Variants in LDLRAD4 observed in about 807,000 individuals in gnomAD.
LDLRAD4 encodes the protein low-density lipoprotein receptor class A domain-containing protein 4.
A neutral mutation model predicts 17.0 loss-of-function variants in LDLRAD4; 5 were observed. That is an observed-to-expected ratio of 0.29 (90% CI 0.15 to 0.62). LDLRAD4 has a LOEUF of 0.62. Among genes scored for constraint, LDLRAD4 ranks in the 20% least tolerant of loss-of-function variants. The pLI is 0.84. For synonymous variants in LDLRAD4, 168 were observed against 171.8 expected, an observed-to-expected ratio of 0.98 and a Z score of 0.17; for missense variants, 340 against 424.7, an observed-to-expected ratio of 0.80 and a Z score of 1.75.
At chr18:13,545,924 C>G (rs1304193336) in intron 3 of LDLRAD4, among the ~76,000 whole-genome samples, 2 of 152,146 alleles carry the variant, frequency 1.3e-5, no homozygotes, top group African/African-American at 4.8e-5. Context: ...ACAGAGCTGT[C>G]CTCAATCCTA....
chr18:13,243,807 A>C (rs959724525), intron 1 of LDLRAD4, among the ~76,000 whole-genome samples: 4 of 139,760 alleles, frequency 2.9e-5, no homozygotes, highest in African/African-American at 5.5e-5. Flanking sequence ...TCATCTCCCC[A>C]GCTACCACCT....
At chr18:13,639,561 G>C (rs2042349413) in intron 4 of LDLRAD4, among the ~76,000 whole-genome samples, 1 of 152,218 alleles carries the variant, frequency 6.6e-6, no homozygotes, top group African/African-American at 2.4e-5. Flanking sequence ...ATGGTACGGG[G>C]TGGTTGGGAT....
intron 3 of LDLRAD4, among the ~76,000 whole-genome samples, chr18:13,512,090 C>T (rs1350904529): frequency 3.9e-5 from 6 of 152,166 alleles, no homozygotes; most frequent in African/African-American, 9.7e-5. Context: ...GGCAAAATAT[C>T]GTGTTTTGTT....
At chr18:13,407,838 T>TC (rs1402651766) in intron 2 of LDLRAD4, among the ~76,000 whole-genome samples, 1 of 152,206 alleles carries the variant, frequency 6.6e-6, no homozygotes, top group Non-Finnish European at 1.5e-5. Flanking sequence ...CCCACCACGT[T>TC]CCTGAGGGTA....
intron 1 of LDLRAD4, among the ~76,000 whole-genome samples, chr18:13,283,865 G>A (rs972173011): frequency 2.6e-5 from 4 of 152,186 alleles, no homozygotes; most frequent in African/African-American, 7.2e-5. Context: ...ACATGGCTGG[G>A]GAGGCCTCAG....
chr18:13,220,806 G>A lies in LDLRAD4; in HGVS notation c.-467+1818G>A, dbSNP rs533986154. Reference sequence around the variant, plus strand: ...GCAGGGGTAACCTCCCTGACTGATAGGGAAGCACAGTCAGAGGAGAGTGAC... The same window carrying A: ...GCAGGGGTAACCTCCCTGACTGATAAGGAAGCACAGTCAGAGGAGAGTGAC... On this transcript the variant is annotated intron_variant, in intron 1 of 5. Coordinates refer to the LDLRAD4 transcript ENST00000399848. Among the ~76,000 whole-genome samples, 31 of 152,310 alleles carry A rather than the reference G, an allele frequency of 2.0e-4. 2 individuals carry two copies. Among genetic ancestry groups the A allele is most frequent in the African/African-American group, 7.5e-4 (31 of 41,556 alleles).
At chr18:13,303,065 C>T (rs539982362) in intron 1 of LDLRAD4, among the ~76,000 whole-genome samples, 3 of 152,300 alleles carry the variant, frequency 2.0e-5, no homozygotes, top group African/African-American at 7.2e-5. Context: ...TCTCCAGTGG[C>T]CTGGGGCTGT....
intron 1 of LDLRAD4, among the ~76,000 whole-genome samples, chr18:13,222,234 C>A (rs923543963): frequency 2.6e-5 from 4 of 152,198 alleles, no homozygotes; most frequent in African/African-American, 9.6e-5. Context: ...GGAAAAATGT[C>A]GAGCTGTTCA....
intron 2 of LDLRAD4, among the ~76,000 whole-genome samples, chr18:13,415,532 C>G (rs1377726935): frequency 6.6e-6 from 1 of 152,180 alleles, no homozygotes; most frequent in Non-Finnish European, 1.5e-5. Flanking sequence ...TATAGGCAGA[C>G]TTGTCTCCCC....
intron 1 of LDLRAD4, chr18:13,239,725 T>C (rs2042531490): frequency 6.6e-6 from 1 of 152,318 alleles, no homozygotes; most frequent in African/African-American, 2.4e-5. Flanking sequence ...GCAGATGCCC[T>C]GGCTGTCCTT....
intron 1 of LDLRAD4, 81 bp downstream of exon 1, chr18:13,219,069 CTTTTTTT>C: frequency 7.3e-6 from 1 of 137,190 alleles, no homozygotes; most frequent in African/African-American, 2.7e-5. Flanking sequence ...CTTGTTTAAA[CTTTTTTT>C]TTTTTTTTTT....
At chr18:13,226,180 C>CTCTTTTTTTTTTTTT (rs71370946) in intron 1 of LDLRAD4, among the ~76,000 whole-genome samples, 12 of 52,190 alleles carry the variant, frequency 2.3e-4, no homozygotes, top group African/African-American at 9.4e-4. Context: ...CCATGCCTTG[C>CTCTTTTTTTTTTTTT]TTTTTTTTTT....
chr18:13,448,590 C>T (rs2091581085), intron 3 of LDLRAD4, among the ~76,000 whole-genome samples: 1 of 151,152 alleles, frequency 6.6e-6, no homozygotes, highest in African/African-American at 2.4e-5. Flanking sequence ...TGAAGACTCC[C>T]AGTGTAAGTG....
chr18:13,234,496 C>A (rs2145568925), intron 1 of LDLRAD4, among the ~76,000 whole-genome samples: 1 of 149,934 alleles, frequency 6.7e-6, no homozygotes, highest in South Asian at 2.1e-4. Flanking sequence ...GAGCAGGCAC[C>A]TGTGAGCAGG....
At chr18:13,319,222 G>A (rs185284827) in intron 1 of LDLRAD4, among the ~76,000 whole-genome samples, 91 of 152,250 alleles carry the variant, frequency 6.0e-4, no homozygotes, top group Non-Finnish European at 1.1e-3. Flanking sequence ...GCAGAAACAC[G>A]AATCGATTGT....
intron 2 of LDLRAD4, among the ~76,000 whole-genome samples, chr18:13,408,467 A>AT (rs916593639): frequency 1.3e-5 from 2 of 150,778 alleles, no homozygotes; most frequent in African/African-American, 4.9e-5. Context: ...TTTTTTTTAA[A>AT]TTTTTTTTAT....
chr18:13,312,155 G>A (rs2047275933), intron 1 of LDLRAD4, among the ~76,000 whole-genome samples: 1 of 152,160 alleles, frequency 6.6e-6, no homozygotes, highest in African/African-American at 2.4e-5. Context: ...CTTTTTGAGT[G>A]CTGACTGCAA....
In LDLRAD4 at chr18:13,449,909, C is replaced by T. The variant is rs147385059; in HGVS notation, c.181+11525C>T. 2.3e-3 allele frequency among the ~76,000 whole-genome samples: 343 copies of T among 152,178 alleles called. 7 individuals are homozygous for T. The East Asian group carries it at 0.054, about 24-fold the overall frequency. ...CCAACCGCTCTCTCTGTCATGGGGC[C>T]GGGGTGGTGGCTGAGCCAATCAAGC... On this transcript the variant is annotated intron_variant, in intron 3 of 5. Coordinates refer to ENST00000359446, the Ensembl canonical transcript of LDLRAD4.
At chr18:13,322,693 C>T (rs1232342343) in intron 1 of LDLRAD4, among the ~76,000 whole-genome samples, 2 of 152,132 alleles carry the variant, frequency 1.3e-5, no homozygotes, top group East Asian at 1.9e-4. Context: ...TCTCAGCTCA[C>T]TGCAACCTCT....
Sources: allele counts gnomAD v4.1 joint callset (sites outside exome capture counted in the v4.1 genomes callset), GRCh38; gene constraint gnomAD v4.1.1; transcripts MANE v1.5; gene names NCBI Gene and HGNC (gene_info 2026-07-23, HGNC 2026-07-21).